SCN1A: variants seen among roughly 807,000 people sequenced by gnomAD.
The protein encoded by SCN1A is sodium voltage-gated channel alpha subunit 1.
Under a neutral mutation model 193.7 loss-of-function variants are expected in SCN1A, and 13 were observed. The observed-to-expected ratio is 0.07, with a 90% CI of 0.04 to 0.11. The LOEUF (loss-of-function observed/expected upper bound fraction) is 0.11, where lower values mean the gene tolerates loss of function less well. Ranked by LOEUF, SCN1A falls within the 10% of genes least tolerant of loss-of-function variation. SCN1A has a pLI of 1.00. For missense variants in SCN1A, 1,432 were observed against 2,451.1 expected, an observed-to-expected ratio of 0.58 and a Z score of 8.78; for synonymous variants, 781 against 843.6, an observed-to-expected ratio of 0.93 and a Z score of 1.29.
chr2:166,130,464 T>A (rs1158598478), upstream of SCN1A, among the ~76,000 whole-genome samples: 1 of 152,200 alleles, frequency 6.6e-6, no homozygotes, highest in Admixed American at 6.5e-5. Flanking sequence ...TTCACAACCT[T>A]CACTTCTCTT....
intron 23 of SCN1A, among the ~76,000 whole-genome samples, chr2:166,004,902 TC>T (rs2105527127): frequency 6.6e-6 from 1 of 151,562 alleles, no homozygotes; most frequent in East Asian, 1.9e-4. Flanking sequence ...AGGAATGTTT[TC>T]CCCTTTGAAT....
At position 166,046,645 on chromosome 2, in the gene SCN1A, C is replaced by T. The variant is rs145809381; in HGVS notation, c.1377+125G>A. ...AACTAAATAAAAGTAAGTGGATCAT[C>T]AAAATATAGAAATCATTATTAATTC... is the stretch of plus-strand genomic sequence containing the variant. On this transcript the variant is annotated intron_variant, in intron 12 of 28. Transcript: ENST00000674923. 18 of 897,104 alleles carry T rather than the reference C, an allele frequency of 2.0e-5. No homozygotes were observed. The East Asian group carries it at 4.8e-4, about 24-fold the overall frequency. The allele number at this position is 897,104 out of a possible 1,614,324, so 55.6% of individuals were successfully genotyped here.
chr2:166,103,026 T>C (rs1420705004), intron 2 of SCN1A, among the ~76,000 whole-genome samples: 1 of 152,036 alleles, frequency 6.6e-6, no homozygotes, highest in Non-Finnish European at 1.5e-5. Flanking sequence ...AAATTGTTTT[T>C]GAGCTGCCTA....
At chr2:166,076,867 G>A (rs1251832772) in intron 3 of SCN1A, among the ~76,000 whole-genome samples, 2 of 150,872 alleles carry the variant, frequency 1.3e-5, no homozygotes, top group African/African-American at 4.9e-5. Context: ...TAGACCTTAT[G>A]CCTTTCACAA....
chr2:166,106,393 A>G (rs1052501972), intron 2 of SCN1A, among the ~76,000 whole-genome samples: 6 of 152,118 alleles, frequency 3.9e-5, no homozygotes, highest in Admixed American at 6.5e-5. Flanking sequence ...TTGGGGTCCA[A>G]ACTTCATTGG....
chr2:166,058,381 G>C (rs1317289600), intron 5 of SCN1A, among the ~76,000 whole-genome samples, 189 bp downstream of exon 5: 1 of 151,846 alleles, frequency 6.6e-6, no homozygotes, highest in Non-Finnish European at 1.5e-5. Context: ...AAATGTTAAA[G>C]AGTACATGTT....
intron 2 of SCN1A, among the ~76,000 whole-genome samples, chr2:166,089,331 T>C (rs1466597447): frequency 6.6e-6 from 1 of 152,128 alleles, no homozygotes; most frequent in Non-Finnish European, 1.5e-5. Flanking sequence ...GTAGCAGCCC[T>C]ATATATGAAG....
At chr2:166,010,843 A>G (rs1216933998) in intron 22 of SCN1A, among the ~76,000 whole-genome samples, 1 of 150,990 alleles carries the variant, frequency 6.6e-6, no homozygotes, top group Non-Finnish European at 1.5e-5. Context: ...AAATAAAGAT[A>G]TTATTGTTAC....
intron 2 of SCN1A, among the ~76,000 whole-genome samples, chr2:166,088,529 TAGC>T (rs1398587204): frequency 5.9e-5 from 9 of 152,234 alleles, no homozygotes; most frequent in Non-Finnish European, 1.3e-4. Flanking sequence ...TTATCCTCAA[TAGC>T]AGGTGGCAGC....
At chr2:166,008,901 C>A (rs1024380123) in intron 23 of SCN1A, among the ~76,000 whole-genome samples, 3 of 150,554 alleles carry the variant, frequency 2.0e-5, no homozygotes, top group African/African-American at 7.3e-5. Context: ...TAAACTAATG[C>A]TTCATGCCGT....
chr2:166,079,222 T>G (rs1196225485), intron 2 of SCN1A, among the ~76,000 whole-genome samples: 1 of 151,288 alleles, frequency 6.6e-6, no homozygotes. Context: ...ATTTAATGTG[T>G]TTTTATTTAT....
intron 4 of SCN1A, 44 bp downstream of exon 4, chr2:166,073,314 A>C (rs1684651106): frequency 6.2e-7 from 1 of 1,609,298 alleles, no homozygotes; most frequent in Non-Finnish European, 8.5e-7. Flanking sequence ...CAAGGAATGC[A>C]GTAGGCAATT....
chr2:166,110,963 A>T (rs998625956), intron 2 of SCN1A, among the ~76,000 whole-genome samples: 4 of 152,064 alleles, frequency 2.6e-5, no homozygotes, highest in Non-Finnish European at 5.9e-5. Context: ...TTCATCTTCC[A>T]CCATGATTGT....
chr2:166,032,243 A>ATGCTCCTCAACTTACGATGGAGCT (rs1553539051), intron 19 of SCN1A, among the ~76,000 whole-genome samples: 13 of 62,034 alleles, frequency 2.1e-4, no homozygotes, highest in South Asian at 5.3e-4. Context: ...ACAGAGACAG[A>ATGCTCCTCAACTTACGATGGAGCT]GAGAGAAAAT....
At chr2:166,076,234 G>A (rs1175748899) in intron 3 of SCN1A, among the ~76,000 whole-genome samples, 1 of 151,638 alleles carries the variant, frequency 6.6e-6, no homozygotes, top group Non-Finnish European at 1.5e-5. Flanking sequence ...GGCAGTAAGG[G>A]GTAGGAAAAA....
intron 5 of SCN1A, 118 bp from the exon 6 acceptor site, chr2:166,056,618 G>T: frequency 1.4e-6 from 1 of 732,110 alleles, no homozygotes; most frequent in Non-Finnish European, 2.5e-6. Context: ...TAAATGCATT[G>T]TGGGCAAGTC....
At chr2:166,061,538 A>G (rs1461199) in intron 4 of SCN1A, among the ~76,000 whole-genome samples, 29,986 of 152,128 alleles carry the variant, frequency 0.2, 3,078 homozygotes, top group South Asian at 0.27. Flanking sequence ...AATTTATTAT[A>G]TAGTTTCAAA....
chr2:166,111,605 A>G (rs1371635146), intron 2 of SCN1A, among the ~76,000 whole-genome samples: 1 of 152,152 alleles, frequency 6.6e-6, no homozygotes, highest in African/African-American at 2.4e-5. Flanking sequence ...AAGTCTTATT[A>G]TTTAAGACAT....
intron 9 of SCN1A, 30 bp from the exon 10 acceptor site, chr2:166,048,979 ACATTTG>A: frequency 7.3e-7 from 1 of 1,372,084 alleles, no homozygotes; most frequent in Non-Finnish European, 1.0e-6. Context: ...CGTATGATGA[ACATTTG>A]CATTGTTAAA....
Sources: gnomAD v4.1 joint callset for allele counts (sites outside exome capture counted in the v4.1 genomes callset) on GRCh38, gnomAD v4.1.1 for gene constraint, MANE v1.5 for transcripts, NCBI Gene and HGNC (gene_info 2026-07-23, HGNC 2026-07-21) for gene names.